Variants in GRID1 observed in about 807,000 individuals in gnomAD.
GRID1 encodes the protein glutamate ionotropic receptor delta type subunit 1, also known as glutamate receptor ionotropic, delta-1.
A neutral mutation model predicts 98.0 loss-of-function variants in GRID1; 28 were observed. The observed-to-expected ratio is 0.29, with a 90% confidence interval of 0.21 to 0.39. GRID1 has a LOEUF of 0.39. GRID1 is among the 10% of genes least tolerant of loss of function. GRID1 has a pLI of 1.00. For synonymous variants in GRID1, 553 were observed against 538.5 expected (o/e 1.03, Z -0.37); for missense variants, 1,111 against 1,340.5 (o/e 0.83, Z 2.67).
chr10:85,742,842 C>G (rs966874556), intron 8 of GRID1, among the ~76,000 whole-genome samples: 13 of 152,178 alleles, frequency 8.5e-5, no homozygotes, highest in Non-Finnish European at 1.3e-4. Context: ...AAGGGCCATA[C>G]AGTGTCTGCT....
At chr10:86,233,209 G>A (rs914214593) in intron 2 of GRID1, among the ~76,000 whole-genome samples, 3 of 151,896 alleles carry the variant, frequency 2.0e-5, no homozygotes, top group Non-Finnish European at 4.4e-5. Context: ...AGCTGCAGAA[G>A]GGGCTCTGCC....
rs1848668022 is a variant in GRID1, at chr10:86,365,762, G to C, written c.79+552C>G. Among the ~76,000 whole-genome samples the C allele has an allele frequency of 6.6e-6, 1 of 152,094 alleles. No individual in the cohort carries two copies. The highest frequency in any genetic ancestry group is 1.5e-5 in the Non-Finnish European group (1 of 68,012). ...GTCCACTCTAACAGGCTGACAGACA[G>C]TCGTGCACGCACCAACACACGCTCA... On this transcript the variant is annotated intron_variant, in intron 1 of 15. Transcript: ENST00000327946. The surrounding 1 kb of genome is among the most constrained non-coding windows in gnomAD (Gnocchi z 4.8).
At chr10:86,204,488 T>C (rs1845998003) in intron 3 of GRID1, among the ~76,000 whole-genome samples, 1 of 152,184 alleles carries the variant, frequency 6.6e-6, no homozygotes, top group African/African-American at 2.4e-5. Flanking sequence ...AGCTGCCAGC[T>C]CTGTAGGACA....
chr10:86,114,428 T>C (rs529303143), intron 4 of GRID1, among the ~76,000 whole-genome samples: 1 of 152,232 alleles, frequency 6.6e-6, no homozygotes, highest in Non-Finnish European at 1.5e-5. Context: ...CACAGCCCTG[T>C]GAAGGAGAAC....
chr10:86,117,899 A>G (rs1280715594), intron 4 of GRID1, among the ~76,000 whole-genome samples: 1 of 152,248 alleles, frequency 6.6e-6, no homozygotes, highest in Non-Finnish European at 1.5e-5. Flanking sequence ...GTGTGGAGAT[A>G]CCTTAAAGAA....
intron 2 of GRID1, among the ~76,000 whole-genome samples, chr10:86,243,963 AC>A (rs768659049): frequency 1.3e-4 from 20 of 152,336 alleles, no homozygotes; most frequent in Non-Finnish European, 2.4e-4. Context: ...ACCTGCACAT[AC>A]ATGCACACAC....
intron 3 of GRID1, among the ~76,000 whole-genome samples, chr10:86,189,991 C>T (rs1219752605): frequency 6.6e-6 from 1 of 152,152 alleles, no homozygotes; most frequent in African/African-American, 2.4e-5. Flanking sequence ...GCTGTTACCT[C>T]CTGGGACCTC....
intron 2 of GRID1, among the ~76,000 whole-genome samples, chr10:86,348,813 G>A (rs1368309922): frequency 6.6e-6 from 1 of 152,250 alleles, no homozygotes; most frequent in Non-Finnish European, 1.5e-5. Flanking sequence ...AGACCTCGCT[G>A]TCCTGCCTTT....
intron 6 of GRID1, among the ~76,000 whole-genome samples, chr10:85,856,968 G>C (rs954786575): frequency 6.6e-6 from 1 of 152,306 alleles, no homozygotes; most frequent in South Asian, 2.1e-4. Context: ...TGACTGTAGG[G>C]AGAAGGACGC....
At chr10:85,796,773 G>A (rs1261789101) in intron 8 of GRID1, among the ~76,000 whole-genome samples, 2 of 151,734 alleles carry the variant, frequency 1.3e-5, no homozygotes, top group African/African-American at 4.8e-5. Context: ...AGAAGCATTA[G>A]TTTCAATAAG....
intron 3 of GRID1, among the ~76,000 whole-genome samples, chr10:86,153,508 T>C (rs1012485793): frequency 6.6e-6 from 1 of 152,250 alleles, no homozygotes; most frequent in South Asian, 2.1e-4. Flanking sequence ...AGGCTATTAA[T>C]GTCTATCCTA....
chr10:85,811,680 T>G (rs961972460), intron 8 of GRID1, among the ~76,000 whole-genome samples: 4 of 151,918 alleles, frequency 2.6e-5, no homozygotes, highest in African/African-American at 9.7e-5. Flanking sequence ...AAAGAACAAA[T>G]AAAGAAAGCC....
chr10:86,226,237 C>CTCACTCATA (rs1333076841), intron 2 of GRID1, among the ~76,000 whole-genome samples: 52 of 151,996 alleles, frequency 3.4e-4, no homozygotes, highest in African/African-American at 1.2e-3. Context: ...CGTCATACGC[C>CTCACTCATA]TCACTCATAT....
chr10:85,951,654 C>CT, intron 4 of GRID1, among the ~76,000 whole-genome samples: 1 of 152,304 alleles, frequency 6.6e-6, no homozygotes, highest in African/African-American at 2.4e-5. Context: ...TATTTTCTAC[C>CT]TTTATCTAAG....
At chr10:85,844,090 A>C (rs1159928382) in intron 8 of GRID1, among the ~76,000 whole-genome samples, 1 of 152,048 alleles carries the variant, frequency 6.6e-6, no homozygotes, top group Non-Finnish European at 1.5e-5. Flanking sequence ...TAAAAGAGAG[A>C]AACTCTTGAC....
chr10:85,647,135 C>A (rs974264886), intron 13 of GRID1, 67 bp downstream of exon 13: 2 of 1,307,500 alleles, frequency 1.5e-6, no homozygotes, highest in Non-Finnish European at 2.2e-6. Context: ...AGGTGTCTCC[C>A]ACCTGGGGGC....
intron 4 of GRID1, among the ~76,000 whole-genome samples, chr10:85,925,165 C>G (rs1261240878): frequency 1.3e-5 from 2 of 152,158 alleles, no homozygotes; most frequent in African/African-American, 4.8e-5. Flanking sequence ...ATCAATGGTC[C>G]ATAATTTCCC....
chr10:85,703,478 CAT>C (rs1841476916), intron 12 of GRID1, among the ~76,000 whole-genome samples: 1 of 151,822 alleles, frequency 6.6e-6, no homozygotes, highest in South Asian at 2.1e-4. Flanking sequence ...AAAAAGGAAA[CAT>C]AGTAAACTGG....
intron 5 of GRID1, among the ~76,000 whole-genome samples, chr10:85,892,942 T>A (rs78532722): frequency 0.06 from 9,105 of 152,192 alleles, 329 homozygotes; most frequent in Non-Finnish European, 0.079. Flanking sequence ...TCTCTGGGCA[T>A]AGATACAAAA....
Sources: allele counts gnomAD v4.1 joint callset (sites outside exome capture counted in the v4.1 genomes callset), GRCh38; gene constraint gnomAD v4.1.1; non-coding constraint Gnocchi (gnomAD v3.1); transcripts MANE v1.5; gene names NCBI Gene and HGNC (gene_info 2026-07-23, HGNC 2026-07-21).